ZNF423: variants seen among roughly 807,000 people sequenced by gnomAD.
The protein encoded by ZNF423 is Ebf-associated zinc finger protein.
In ZNF423, 12 loss-of-function variants were observed where a neutral mutation model predicts 95.8. The ratio of observed to expected loss-of-function variants is 0.13; its 90% CI spans 0.08 to 0.20. The LOEUF (loss-of-function observed/expected upper bound fraction) is 0.20. Among genes scored for constraint, ZNF423 ranks in the 10% least tolerant of loss-of-function variants. The pLI, the probability that ZNF423 is intolerant of heterozygous loss-of-function variation, is 1.00. For synonymous variants in ZNF423, 749 were observed against 711.9 expected (o/e 1.05, Z -0.83); for missense variants, 1,316 against 1,737.1 (o/e 0.76, Z 4.31).
At chr16:49,538,414 C>T (rs2151733220) in intron 5 of ZNF423, among the ~76,000 whole-genome samples, 1 of 152,304 alleles carries the variant, frequency 6.6e-6, no homozygotes, top group South Asian at 2.1e-4. Flanking sequence ...CGACAGACAC[C>T]TGGCAATTCA....
At chr16:49,805,553 T>G (rs1258539717) in intron 1 of ZNF423, among the ~76,000 whole-genome samples, 1 of 152,182 alleles carries the variant, frequency 6.6e-6, no homozygotes, top group African/African-American at 2.4e-5. Context: ...AAACAGTAAT[T>G]AACTGGCCAA....
intron 5 of ZNF423, among the ~76,000 whole-genome samples, chr16:49,618,868 T>A (rs16944158): frequency 6.2e-4 from 94 of 152,008 alleles, no homozygotes; most frequent in Non-Finnish European, 8.8e-4. Context: ...CAAATCCTGC[T>A]GGTTATGTCT....
At chr16:49,586,543 G>A (rs549933845) in intron 5 of ZNF423, among the ~76,000 whole-genome samples, 2 of 152,322 alleles carry the variant, frequency 1.3e-5, no homozygotes, top group Admixed American at 1.3e-4. Flanking sequence ...ATTCCTGGCC[G>A]CATCTGCACG....
In ZNF423 at chr16:49,635,260, G is replaced by A. The variant is rs1972644593; in HGVS notation, c.3516+400C>T. On this transcript the variant is annotated intron_variant, in intron 4 of 7. Transcript: ENST00000563137. The surrounding 1 kb of genome is among the most constrained non-coding windows in gnomAD (Gnocchi z 4.8). ...GCCTAAGGAGACCCAATAAGCAAAT[G>A]AGTATGTCATACCCCAGCTCAACAA... 6.6e-6 allele frequency among the ~76,000 whole-genome samples: 1 copy of A among 152,174 alleles called. No individual in the cohort carries two copies. The highest frequency in any genetic ancestry group is 1.5e-5 in the Non-Finnish European group (1 of 68,038).
At chr16:49,650,512 C>T (rs1412662797) in intron 3 of ZNF423, among the ~76,000 whole-genome samples, 2 of 152,178 alleles carry the variant, frequency 1.3e-5, no homozygotes, top group Admixed American at 6.5e-5. Flanking sequence ...TAACATTTTG[C>T]GCAGCACCTC....
At chr16:49,527,412 CG>C (rs1555504240) in intron 5 of ZNF423, among the ~76,000 whole-genome samples, 1 of 152,194 alleles carries the variant, frequency 6.6e-6, no homozygotes, top group Non-Finnish European at 1.5e-5. Context: ...CTTGGGGAGA[CG>C]TTCATCATAA....
chr16:49,669,017 G>C (rs1462671279), intron 3 of ZNF423, among the ~76,000 whole-genome samples: 1 of 152,152 alleles, frequency 6.6e-6, no homozygotes, highest in South Asian at 2.1e-4. Context: ...AGTGGGGAGT[G>C]GGGAGTGCAG....
intron 3 of ZNF423, chr16:49,663,949 T>C (rs1230892909): frequency 3.7e-6 from 2 of 533,816 alleles, no homozygotes; most frequent in Non-Finnish European, 4.8e-6. Flanking sequence ...TTCATTCCAC[T>C]CTGAGCAAAC....
intron 2 of ZNF423, among the ~76,000 whole-genome samples, chr16:49,765,351 G>A (rs769350510): frequency 1.4e-4 from 22 of 152,068 alleles, no homozygotes; most frequent in African/African-American, 3.1e-4. Context: ...GTACTGTAAC[G>A]CCACTGAACT....
intron 5 of ZNF423, among the ~76,000 whole-genome samples, chr16:49,556,722 T>C (rs1969838919): frequency 1.3e-5 from 2 of 152,238 alleles, no homozygotes; most frequent in Non-Finnish European, 2.9e-5. Context: ...CAAATTCTTT[T>C]GTAAATGCCT....
At position 49,489,503 on chromosome 16, in the gene ZNF423, CA is replaced by C. The variant is rs1397531623; in HGVS notation, c.*1771del. On this transcript the variant is annotated 3_prime_UTR_variant, in exon 8 of 8. Coordinates refer to ENST00000563137, the MANE Select transcript of ZNF423 (RefSeq NM_001379286.1). ...TACTGGCAGGGTCTGCTCTATGATT[CA>C]CATATGTAAGATGCCTTTTGAAAAA... is the stretch of plus-strand genomic sequence containing the variant. 2.6e-5 allele frequency: 4 copies of C among 152,212 alleles called. No individual in the cohort carries two copies. Among genetic ancestry groups the C allele is most frequent in the Non-Finnish European group, 5.9e-5 (4 of 68,046 alleles). 9.4% of individuals were successfully genotyped at this position (152,212 alleles called of 1,614,324 possible). A position where few individuals can be genotyped will look rare whatever the true frequency, so the allele number is the denominator to read the frequency against.
chr16:49,700,377 C>T (rs1321813027), intron 3 of ZNF423, among the ~76,000 whole-genome samples: 1 of 152,196 alleles, frequency 6.6e-6, no homozygotes, highest in Admixed American at 6.5e-5. Context: ...TGCTGAAGCC[C>T]ACAGGGCCTG....
chr16:49,754,216 C>T (rs942100601), intron 2 of ZNF423, among the ~76,000 whole-genome samples: 1 of 152,148 alleles, frequency 6.6e-6, no homozygotes, highest in Non-Finnish European at 1.5e-5. Context: ...TCTCTCTACA[C>T]ACTTTTAGTT....
chr16:49,855,146 G>T lies in ZNF423; in HGVS notation c.40+589C>A. ...AGAAGGCCTGGGCAGGGGCGGGAGGGGGCGCCAGGCGGCCGGGGCGAGGGC... is the reference window on the plus strand; with the variant it reads ...AGAAGGCCTGGGCAGGGGCGGGAGGTGGCGCCAGGCGGCCGGGGCGAGGGC... On this transcript the variant is annotated intron_variant, in intron 1 of 7. Coordinates refer to ENST00000563137, the MANE Select transcript of ZNF423 (RefSeq NM_001379286.1). The surrounding 1 kb of genome is among the most constrained non-coding windows in gnomAD (Gnocchi z 4.7). 1 of 723,096 alleles carries T rather than the reference G, an allele frequency of 1.4e-6. No individual in the cohort carries two copies. The highest frequency in any genetic ancestry group is 6.3e-5 in the Admixed American group (1 of 15,816). 44.8% of individuals were successfully genotyped at this position (723,096 alleles called of 1,614,324 possible).
intron 2 of ZNF423, among the ~76,000 whole-genome samples, chr16:49,737,104 T>C (rs1386935575): frequency 2.0e-5 from 3 of 151,862 alleles, no homozygotes; most frequent in East Asian, 1.9e-4. Context: ...ACAGAAACTC[T>C]ATGTGGTAGG....
intron 5 of ZNF423, among the ~76,000 whole-genome samples, chr16:49,595,686 A>C (rs1971158441): frequency 6.6e-6 from 1 of 152,200 alleles, no homozygotes; most frequent in Non-Finnish European, 1.5e-5. Flanking sequence ...CCAAAATAGC[A>C]CCAAACTTTT....
chr16:49,503,800 C>A (rs1254321280), intron 7 of ZNF423, among the ~76,000 whole-genome samples: 1 of 152,166 alleles, frequency 6.6e-6, no homozygotes, highest in Non-Finnish European at 1.5e-5. Flanking sequence ...GGTAAAAACT[C>A]AACGAGTATT....
chr16:49,736,514 A>T (rs1309876635), intron 2 of ZNF423, among the ~76,000 whole-genome samples: 1 of 152,162 alleles, frequency 6.6e-6, no homozygotes, highest in Non-Finnish European at 1.5e-5. Context: ...AAAGCACTGA[A>T]TTTTCAGGCC....
intron 3 of ZNF423, among the ~76,000 whole-genome samples, chr16:49,641,473 G>T (rs945238691): frequency 2.0e-5 from 3 of 152,180 alleles, no homozygotes; most frequent in Non-Finnish European, 4.4e-5. Flanking sequence ...GGAACTGGCT[G>T]GAACCCACCC....
Sources: allele counts gnomAD v4.1 joint callset (sites outside exome capture counted in the v4.1 genomes callset), GRCh38; gene constraint gnomAD v4.1.1; non-coding constraint Gnocchi (gnomAD v3.1); transcripts MANE v1.5; gene names NCBI Gene and HGNC (gene_info 2026-07-23, HGNC 2026-07-21).